The following FSTL5 variants were observed in gnomAD, a reference collection of about 807,000 sequenced individuals.
FSTL5 encodes follistatin like 5, also known as follistatin-related protein 5.
A neutral mutation model predicts 89.1 loss-of-function variants in FSTL5; 62 were observed. The observed-to-expected ratio is 0.70, with a 90% CI of 0.57 to 0.86. The LOEUF is 0.86. FSTL5 is among the 40% of genes least tolerant of loss of function. The pLI is 0.00. For missense variants in FSTL5, 1,057 were observed against 1,001.6 expected (o/e 1.06, Z -0.75); for synonymous variants, 383 against 346.2 (o/e 1.11, Z -1.18).
At chr4:161,938,290 G>A (rs570727122) in intron 3 of FSTL5, among the ~76,000 whole-genome samples, 1 of 152,060 alleles carries the variant, frequency 6.6e-6, no homozygotes, top group African/African-American at 2.4e-5. Flanking sequence ...AGAGTCTCTG[G>A]TGATCTTGAT....
intron 4 of FSTL5, among the ~76,000 whole-genome samples, chr4:161,785,303 G>T (rs1741861799): frequency 1.3e-5 from 2 of 152,136 alleles, no homozygotes; most frequent in South Asian, 4.1e-4. Context: ...TTCTATCCAG[G>T]AGTCAGTCTC....
intron 4 of FSTL5, among the ~76,000 whole-genome samples, chr4:161,844,264 T>A (rs1391663674): frequency 1.3e-5 from 2 of 152,098 alleles, no homozygotes; most frequent in East Asian, 3.9e-4. Context: ...AGAATGGCAA[T>A]CATTAAAGTC....
intron 2 of FSTL5, among the ~76,000 whole-genome samples, chr4:162,103,310 G>A (rs1731076476): frequency 6.6e-6 from 1 of 152,106 alleles, no homozygotes; most frequent in Non-Finnish European, 1.5e-5. Flanking sequence ...ACTCTTAAAA[G>A]GACAAAACTA....
At chr4:162,125,342 C>T (rs756605105) in intron 1 of FSTL5, among the ~76,000 whole-genome samples, 2 of 143,732 alleles carry the variant, frequency 1.4e-5, no homozygotes, top group Admixed American at 6.7e-5. Flanking sequence ...ATATTTGTAA[C>T]TAAATTTTTT....
At chr4:161,712,717 A>G (rs1035605975) in intron 6 of FSTL5, among the ~76,000 whole-genome samples, 1 of 151,434 alleles carries the variant, frequency 6.6e-6, no homozygotes, top group African/African-American at 2.4e-5. Context: ...ATTAGTGAGT[A>G]TGTTCTCACT....
chr4:161,754,263 T>C (rs990563437), intron 6 of FSTL5, among the ~76,000 whole-genome samples: 2 of 152,222 alleles, frequency 1.3e-5, no homozygotes, highest in Middle Eastern at 3.4e-3. Context: ...TTTTTATGCC[T>C]GCTAGAAACG....
chr4:161,633,178 AT>A (rs1040006934), intron 7 of FSTL5, among the ~76,000 whole-genome samples: 2 of 151,768 alleles, frequency 1.3e-5, no homozygotes, highest in Non-Finnish European at 2.9e-5. Flanking sequence ...AATAGCAAAA[AT>A]ATTTAGCATC....
chr4:161,725,917 A>G (rs1739384035), intron 6 of FSTL5, among the ~76,000 whole-genome samples: 1 of 152,228 alleles, frequency 6.6e-6, no homozygotes, highest in African/African-American at 2.4e-5. Context: ...TAACGATGAA[A>G]GGTTTTTGCC....
intron 6 of FSTL5, among the ~76,000 whole-genome samples, chr4:161,717,082 T>C (rs1361881965): frequency 6.6e-6 from 1 of 152,182 alleles, no homozygotes; most frequent in Non-Finnish European, 1.5e-5. Flanking sequence ...TTCCCTTTGT[T>C]TTAGATAATT....
At chr4:161,956,554 A>T (rs1398382758) in intron 3 of FSTL5, among the ~76,000 whole-genome samples, 2 of 151,968 alleles carry the variant, frequency 1.3e-5, no homozygotes, top group Non-Finnish European at 2.9e-5. Context: ...AAAGATTAGT[A>T]TCTATTAGGT....
chr4:162,081,309 C>A (rs10857345), intron 2 of FSTL5, among the ~76,000 whole-genome samples: 151,248 of 151,550 alleles, frequency 1, 75,473 homozygotes, highest in Middle Eastern at 1. Flanking sequence ...TGAAACTAGG[C>A]GTTCAAGGGG....
chr4:162,056,969 C>T (rs1738564442), intron 2 of FSTL5, among the ~76,000 whole-genome samples: 1 of 152,164 alleles, frequency 6.6e-6, no homozygotes, highest in African/African-American at 2.4e-5. Flanking sequence ...ATTTCATTAT[C>T]ACAGAGGAGA....
chr4:162,047,045 A>G (rs1738208750), intron 2 of FSTL5, among the ~76,000 whole-genome samples: 1 of 152,096 alleles, frequency 6.6e-6, no homozygotes, highest in South Asian at 2.1e-4. Flanking sequence ...AAATAACTAT[A>G]CTCTATGATA....
chr4:162,162,760 A>G (rs1733744261), intron 1 of FSTL5, among the ~76,000 whole-genome samples: 1 of 152,250 alleles, frequency 6.6e-6, no homozygotes, highest in Admixed American at 6.5e-5. Flanking sequence ...TCTGTTAAGC[A>G]TGCAAGAGGT....
At chr4:162,117,021 AAGT>A (rs1731669191) in intron 1 of FSTL5, among the ~76,000 whole-genome samples, 1 of 152,196 alleles carries the variant, frequency 6.6e-6, no homozygotes, top group Non-Finnish European at 1.5e-5. Flanking sequence ...ATGTAAAAGA[AAGT>A]AGTTTAGATG....
At chr4:161,439,349 G>A (rs1470623880) in intron 15 of FSTL5, among the ~76,000 whole-genome samples, 1 of 152,198 alleles carries the variant, frequency 6.6e-6, no homozygotes, top group Non-Finnish European at 1.5e-5. Context: ...TTGGAGGCAC[G>A]TAGTGCCCAC....
intron 4 of FSTL5, among the ~76,000 whole-genome samples, chr4:161,857,994 T>A (rs537849027): frequency 5.9e-5 from 9 of 152,306 alleles, no homozygotes; most frequent in African/African-American, 1.7e-4. Flanking sequence ...AAAATCTGAA[T>A]GTCAATGTCT....
intron 6 of FSTL5, among the ~76,000 whole-genome samples, chr4:161,684,127 T>C (rs970294134): frequency 6.6e-6 from 1 of 152,102 alleles, no homozygotes; most frequent in Admixed American, 6.6e-5. Flanking sequence ...GTACACATGG[T>C]ATACAGTAGT....
intron 4 of FSTL5, among the ~76,000 whole-genome samples, chr4:161,891,061 CT>C (rs1394982856): frequency 4.5e-5 from 4 of 89,554 alleles, no homozygotes; most frequent in Non-Finnish European, 7.0e-5. Context: ...TTCTCGAATT[CT>C]TTTAATCAAT....
Sources: allele counts gnomAD v4.1 joint callset (sites outside exome capture counted in the v4.1 genomes callset), GRCh38; gene constraint gnomAD v4.1.1; transcripts MANE v1.5; gene names NCBI Gene and HGNC (gene_info 2026-07-23, HGNC 2026-07-21).